FLNC: variants seen among roughly 807,000 people sequenced by gnomAD.
The protein encoded by FLNC is filamin C.
In FLNC, 91 loss-of-function variants were observed where a neutral mutation model predicts 254.3. The ratio of observed to expected loss-of-function variants is 0.36; its 90% CI spans 0.30 to 0.43. The LOEUF is 0.43. Among genes scored for constraint, FLNC ranks in the 20% least tolerant of loss-of-function variants. FLNC has a pLI of 1.00. For missense variants in FLNC, 2,853 were observed against 3,802.6 expected (o/e 0.75, Z 6.57); for synonymous variants, 1,430 against 1,577.2 (o/e 0.91, Z 2.21).
rs745872537 is a variant in FLNC at position 128,844,200 on chromosome 7, C to T, written c.3126C>T (p.Tyr1042=). The T allele has an allele frequency of 2.0e-5, 32 of 1,612,962 alleles. No homozygotes were observed. The highest frequency in any genetic ancestry group is 1.7e-4 in the Middle Eastern group (1 of 5,950). ...GGCCCTACAAGGTGGATATCACCTA[C>T]GATGGTCACCCGGTGCCTGGCAGCC... The part of the protein sequence containing the change: ...EEGPYKVDIT[Y]DGHPVPGSPF... The change falls in exon 20 of 48, where the codon TAC becomes TAT. Residue 1042 remains tyrosine, a synonymous_variant. Transcript: ENST00000325888.
In FLNC at chr7:128,844,743, G is replaced by A. The variant is rs1374868566; in HGVS notation, c.3278G>A (p.Gly1093Asp). ...ATCGACACCAAGGGGGCTGGCACAG[G>A]TGGCCTGGGGCTGACCGTAGAGGGC... ...FSIDTKGAGT[G>D]GLGLTVEGPC... The change falls in exon 21 of 48, where the codon GGT (glycine) becomes GAT (aspartate). Residue 1093 changes from glycine (G) to aspartate (D), a missense_variant. Coordinates refer to ENST00000325888, the MANE Select transcript of FLNC (RefSeq NM_001458.5). The A allele has an allele frequency of 6.2e-7, 1 of 1,613,950 alleles. No homozygotes were observed. The highest frequency in any genetic ancestry group is 8.5e-7 in the Non-Finnish European group (1 of 1,180,022).
intron 6 of FLNC, 48 bp downstream of exon 6, chr7:128,838,112 G>T (rs1347358202): frequency 6.4e-7 from 1 of 1,564,898 alleles, no homozygotes; most frequent in Non-Finnish European, 8.8e-7. Context: ...CACATCCTTG[G>T]TTCCGGCTGC....
chr7:128,835,695 C>T lies in FLNC; in HGVS notation c.601+121C>T. ...ACCCTGGGGCCTGGGGGCCAGGATC[C>T]CCTGCAGGGTTTGTCCTCCTCCAGC... On this transcript the variant is annotated intron_variant, in intron 2 of 47. Coordinates refer to ENST00000325888, the MANE Select transcript of FLNC (RefSeq NM_001458.5). The surrounding 1 kb of genome is among the most constrained non-coding windows in gnomAD (Gnocchi z 5.3). 8.7e-7 allele frequency: 1 copy of T among 1,153,718 alleles called. No individual in the cohort carries two copies. The highest frequency in any genetic ancestry group is 1.3e-6 in the Non-Finnish European group (1 of 799,098). The allele number at this position is 1,153,718 out of a possible 1,614,324, so 71.5% of individuals were successfully genotyped here.
rs1482046408 is a variant in FLNC at position 128,857,210 on chromosome 7, T to A, written c.7654T>A (p.Cys2552Ser). 1 of 1,613,972 alleles carries A rather than the reference T, an allele frequency of 6.2e-7. No homozygotes were observed. The highest frequency in any genetic ancestry group is 2.2e-5 in the East Asian group (1 of 44,888). ...IDGPSKVQLD[C>S]RECPEGHVVT... ...TGGCCCCTCCAAGGTGCAGCTGGAC[T>A]GTCGGGAGTGTCCTGAGGGCCATGT... The change falls in exon 46 of 48, where the codon TGT becomes AGT. Residue 2552 changes from cysteine (C) to serine (S), a missense_variant. Coordinates refer to ENST00000325888, the MANE Select transcript of FLNC (RefSeq NM_001458.5). This position sits in a 1 kb window ranked among gnomAD's most constrained non-coding sequence, Gnocchi z 4.5.
At chr7:128,852,192 G>A (rs1015532031) in intron 35 of FLNC, among the ~76,000 whole-genome samples, 3 of 152,114 alleles carry the variant, frequency 2.0e-5, no homozygotes, top group Non-Finnish European at 4.4e-5. Flanking sequence ...GTTAGGGCAC[G>A]GATAATCCTT....
rs1453268797 is a variant in FLNC at position 128,840,530 on chromosome 7, C to A, written c.1550-18C>A. ...ATATTGATCTGCCTTCTTCCCCACC[C>A]TGCCCCCATCTCCTCAGAGGGCACA... On this transcript the variant is annotated intron_variant, in intron 9 of 47. Coordinates refer to ENST00000325888, the MANE Select transcript of FLNC (RefSeq NM_001458.5). 2.5e-6 allele frequency: 4 copies of A among 1,614,170 alleles called. No homozygotes were observed. In the Admixed American group the frequency reaches 5.0e-5, roughly 20 times the overall value.
In FLNC at chr7:128,855,420, G is replaced by T. The variant is rs1047487808; in HGVS notation, c.7251+106G>T. On this transcript the variant is annotated intron_variant, in intron 43 of 47. Transcript: ENST00000325888. ...AGGGATTTAGCAGTGACCTTGGAAGGGCCAGTTAGGAGTCCCTTCTCATAA... is the reference window on the plus strand; with the variant it reads ...AGGGATTTAGCAGTGACCTTGGAAGTGCCAGTTAGGAGTCCCTTCTCATAA... 30 of 774,520 alleles carry T rather than the reference G, an allele frequency of 3.9e-5. No individual in the cohort carries two copies. The African/African-American group carries it at 4.1e-4, about 11-fold the overall frequency. 48.0% of individuals were successfully genotyped at this position (774,520 alleles called of 1,614,324 possible).
rs531903474 is a variant in FLNC at position 128,846,779 on chromosome 7, G to A, written c.4162G>A (p.Glu1388Lys). The A allele has an allele frequency of 1.2e-6, 2 of 1,614,158 alleles. No homozygotes were observed. Among genetic ancestry groups the A allele is most frequent in the Admixed American group, 1.7e-5 (1 of 60,020 alleles). ...CACCGGGGGCCTTGGCCTAGCCATCGAGGGTCCCTCGGAAGCCAAGATGTC... is the reference window on the plus strand; with the variant it reads ...CACCGGGGGCCTTGGCCTAGCCATCAAGGGTCCCTCGGAAGCCAAGATGTC... ...AGTGGLGLAI[E>K]GPSEAKMSCK... is the part of the protein sequence containing the mutation. The change falls in exon 24 of 48, where the codon GAG becomes AAG. Residue 1388 changes from glutamate (E) to lysine (K), a missense_variant. Physicochemically the swap from Glu to Lys is moderately conservative, Grantham distance 56. Around this residue, in one of 10 missense-constraint regions of FLNC, gnomAD observed 1,573 missense variants for 1,883.5 expected, o/e 0.84. Coordinates refer to ENST00000325888, the MANE Select transcript of FLNC (RefSeq NM_001458.5).
rs1345929888 is a variant in FLNC at position 128,842,799 on chromosome 7, G to A, written c.2395G>A (p.Val799Met). ...VDCSEAGQGD[V>M]SIGIKCAPGV... ...CAGTGCCCGCTTCTCTGCAGGCGAC[G>A]TGAGCATCGGCATCAAGTGCGCCCC... Residue 799 changes from valine (V) to methionine (M), a missense_variant, in exon 16 of 48, where the codon GTG (valine) becomes ATG (methionine). Val to Met is a conservative substitution (Grantham distance 21). This residue lies in a region of FLNC where 1,573 missense variants were observed against 1,883.5 expected (regional missense o/e 0.84). Coordinates refer to ENST00000325888, the MANE Select transcript of FLNC (RefSeq NM_001458.5). The surrounding 1 kb of genome is among the most constrained non-coding windows in gnomAD (Gnocchi z 5.4). 1.2e-6 allele frequency: 2 copies of A among 1,613,586 alleles called. No homozygotes were observed. The highest frequency in any genetic ancestry group is 1.7e-6 in the Non-Finnish European group (2 of 1,179,980).
In FLNC at chr7:128,846,021, T is replaced by C. The variant is rs1172843229; in HGVS notation, c.3822T>C (p.Thr1274=). The change falls in exon 22 of 48, where the codon ACT becomes ACC. Residue 1274 remains threonine (T), a synonymous_variant. Transcript: ENST00000325888. ...TGCGGGAGGTGACCACTGAGTTCACTGTGGATGCAAGATCCCTAACAGCCA... is the reference window on the plus strand; with the variant it reads ...TGCGGGAGGTGACCACTGAGTTCACCGTGGATGCAAGATCCCTAACAGCCA... The part of the protein sequence containing the change: ...GVLREVTTEF[T]VDARSLTATG... 2 of 1,613,804 alleles carry C rather than the reference T, an allele frequency of 1.2e-6. No homozygotes were observed. Among genetic ancestry groups the C allele is most frequent in the South Asian group, 1.1e-5 (1 of 91,076 alleles).
chr7:128,846,519 C>T, intron 23 of FLNC, 56 bp downstream of exon 23: 1 of 1,583,830 alleles, frequency 6.3e-7, no homozygotes. Flanking sequence ...AGCCCCTGGC[C>T]CTCCTCGCTC....
At chr7:128,840,485 G>A in intron 9 of FLNC, 63 bp from the exon 10 acceptor site, 1 of 1,610,606 alleles carries the variant, frequency 6.2e-7, no homozygotes, top group South Asian at 1.1e-5. Flanking sequence ...TGAGGGGATT[G>A]AGGAGCTGGG....
At chr7:128,831,338 A>G (rs1807884194) in intron 1 of FLNC, among the ~76,000 whole-genome samples, 1 of 152,116 alleles carries the variant, frequency 6.6e-6, no homozygotes, top group South Asian at 2.1e-4. Context: ...ACTCGGGAGG[A>G]CAGAACCAGT....
In FLNC at chr7:128,843,869, C is replaced by A. The variant is rs752778846; in HGVS notation, c.2885C>A (p.Pro962His). 6.2e-7 allele frequency: 1 copy of A among 1,614,048 alleles called. No individual in the cohort carries two copies. The highest frequency in any genetic ancestry group is 8.5e-7 in the Non-Finnish European group (1 of 1,180,042). ...AGCCCCTTTGTGGTGAATGTGGCACCCCCGCTGGACCTCAGCAAAATCAAA... is the reference window on the plus strand; with the variant it reads ...AGCCCCTTTGTGGTGAATGTGGCACACCCGCTGGACCTCAGCAAAATCAAA... ...PKSPFVVNVA[P>H]PLDLSKIKVQ... is the part of the protein sequence containing the mutation. The change falls in exon 19 of 48, where the codon CCC becomes CAC. Residue 962 changes from proline (P) to histidine (H), a missense_variant. By Grantham distance (77) the Pro-to-His change is moderately conservative (BLOSUM62 -2). Around this residue, in one of 10 missense-constraint regions of FLNC, gnomAD observed 1,573 missense variants for 1,883.5 expected, o/e 0.84. Coordinates refer to ENST00000325888, the MANE Select transcript of FLNC (RefSeq NM_001458.5).
rs200928780 is a variant in FLNC at position 128,846,052 on chromosome 7, G to A, written c.3853G>A (p.Gly1285Ser). ...VDARSLTATG[G>S]NHVTARVLNP... is the part of the protein sequence containing the mutation. Reference sequence around the variant, plus strand: ...TGCAAGATCCCTAACAGCCACAGGCGGCAACCACGTGACGGCTCGTGTGCT... The same window carrying A: ...TGCAAGATCCCTAACAGCCACAGGCAGCAACCACGTGACGGCTCGTGTGCT... Residue 1285 changes from glycine (G) to serine (S), a missense_variant, in exon 22 of 48, where the codon GGC becomes AGC. Gly to Ser is a moderately conservative substitution (Grantham distance 56, BLOSUM62 0). This residue lies in a region of FLNC where 1,573 missense variants were observed against 1,883.5 expected (regional missense o/e 0.84). Transcript: ENST00000325888. 52 of 1,614,036 alleles carry A rather than the reference G, an allele frequency of 3.2e-5. No individual in the cohort carries two copies. Among genetic ancestry groups the A allele is most frequent in the Admixed American group, 2.3e-4 (14 of 60,022 alleles).
At chr7:128,850,598 C>T in intron 32 of FLNC, 115 bp downstream of exon 32, 1 of 1,181,356 alleles carries the variant, frequency 8.5e-7, no homozygotes, top group Admixed American at 1.9e-5. Flanking sequence ...GAGCTCTACC[C>T]AGGGTCACAC....
rs1260367783 is a variant in FLNC at position 128,841,038 on chromosome 7, G to T, written c.1813+68G>T. On this transcript the variant is annotated intron_variant, in intron 11 of 47. Coordinates refer to ENST00000325888, the MANE Select transcript of FLNC (RefSeq NM_001458.5). This position sits in a 1 kb window ranked among gnomAD's most constrained non-coding sequence, Gnocchi z 4.3. ...GGCAGCAGGGGACACTGTGGGTAAT[G>T]GGTGCAGTGCGCATGCTGGGGAGCG... 6.4e-7 allele frequency: 1 copy of T among 1,565,922 alleles called. No individual in the cohort carries two copies. Among genetic ancestry groups the T allele is most frequent in the East Asian group, 2.3e-5 (1 of 42,960 alleles).
chr7:128,855,174 T>A lies in FLNC; in HGVS notation c.7136-25T>A, dbSNP rs1809003673. 3 of 1,519,160 alleles carry A rather than the reference T, an allele frequency of 2.0e-6. No individual in the cohort carries two copies. In the Admixed American group the frequency reaches 5.0e-5, roughly 25 times the overall value. 94.1% of individuals were successfully genotyped at this position (1,519,160 alleles called of 1,614,324 possible). On this transcript the variant is annotated intron_variant, in intron 42 of 47. Coordinates refer to ENST00000325888, the MANE Select transcript of FLNC (RefSeq NM_001458.5). Reference sequence around the variant, plus strand: ...CCCTGCCAACCTCCATCCCGGAACCTGTGCTGACTGGTCTCTCTCCCCAGG... The same window carrying A: ...CCCTGCCAACCTCCATCCCGGAACCAGTGCTGACTGGTCTCTCTCCCCAGG...
intron 30 of FLNC, 26 bp downstream of exon 30, chr7:128,849,604 T>C (rs747598628): frequency 6.2e-7 from 1 of 1,610,414 alleles, no homozygotes; most frequent in Non-Finnish European, 8.5e-7. Flanking sequence ...ACAGCAAGAC[T>C]AGATGGCTGG....
Sources: gnomAD v4.1 joint callset for allele counts (sites outside exome capture counted in the v4.1 genomes callset) on GRCh38, gnomAD v4.1.1 for gene constraint, gnomAD v4.1.1 regional missense constraint, Gnocchi (gnomAD v3.1) non-coding constraint, MANE v1.5 for transcripts, NCBI Gene and HGNC (gene_info 2026-07-23, HGNC 2026-07-21) for gene names.